RNF213: variants seen among roughly 807,000 people sequenced by gnomAD.
The protein encoded by RNF213 is ring finger protein 213.
RNF213 carries 341 observed loss-of-function variants against 514.4 expected under a neutral mutation model. The ratio of observed to expected loss-of-function variants is 0.66; its 90% CI spans 0.61 to 0.73. RNF213 has a LOEUF of 0.73. Ranked by LOEUF, RNF213 falls within the 30% of genes least tolerant of loss-of-function variation. The pLI, the probability that RNF213 is intolerant of heterozygous loss-of-function variation, is 0.00. For synonymous variants in RNF213, 2,655 were observed against 2,658.2 expected (o/e 1.00, Z 0.04); for missense variants, 5,767 against 6,615.6 (o/e 0.87, Z 4.45).
intron 64 of RNF213, 58 bp from the exon 65 acceptor site, chr17:80,389,095 GGCTCGGCTCTCTTACCAGGT>G (rs777991695): frequency 2.1e-6 from 3 of 1,401,482 alleles, no homozygotes; most frequent in Non-Finnish European, 3.0e-6. Flanking sequence ...GCAGTGAAGG[GGCTCGGCTCTCTTACCAGGT>G]GGTGAGATGC....
rs1299071699 is a variant in RNF213 at position 80,345,683 on chromosome 17, A to G, written c.7348A>G (p.Lys2450Glu). The G allele has an allele frequency of 1.9e-6, 3 of 1,614,258 alleles. No homozygotes were observed. In the East Asian group the frequency reaches 6.7e-5, roughly 36 times the overall value. Residue 2450 changes from lysine to glutamate, a missense_variant, in exon 29 of 68, where the codon AAG becomes GAG. Physicochemically the swap from Lys to Glu is moderately conservative, Grantham distance 56 (BLOSUM62 1). Around this residue, in one of 13 missense-constraint regions of RNF213, gnomAD observed 1,377 missense variants for 1,635.2 expected, o/e 0.84. Transcript: ENST00000582970. This position sits in a 1 kb window ranked among gnomAD's most constrained non-coding sequence, Gnocchi z 6.0. The part of the protein sequence containing the change: ...GTNADTIKLV[K>E]VHGGTTADMI... ...CAATGCTGACACCATAAAGCTGGTC[A>G]AGGTGCACGGAGGAACAACTGCAGA...
At chr17:80,387,006 T>C in intron 63 of RNF213, 115 bp downstream of exon 63, 1 of 1,027,780 alleles carries the variant, frequency 9.7e-7, no homozygotes, top group Admixed American at 2.0e-5. Flanking sequence ...CTGGTCTGTA[T>C]CTCCTCCCTC....
At chr17:80,293,804 G>T (rs2044831542) in intron 8 of RNF213, among the ~76,000 whole-genome samples, 1 of 152,036 alleles carries the variant, frequency 6.6e-6, no homozygotes, top group African/African-American at 2.4e-5. Context: ...TCCAGCCTGG[G>T]CGACAGAGGG....
chr17:80,290,299 A>G (rs549937397), intron 6 of RNF213, among the ~76,000 whole-genome samples: 1 of 152,154 alleles, frequency 6.6e-6, no homozygotes, highest in East Asian at 1.9e-4. Context: ...GTGTGTGTGC[A>G]TGTGGGTGTG....
At chr17:80,298,160 G>A (rs2045030266) in intron 10 of RNF213, among the ~76,000 whole-genome samples, 161 bp from the exon 11 acceptor site, 1 of 152,140 alleles carries the variant, frequency 6.6e-6, no homozygotes, top group Admixed American at 6.5e-5. Flanking sequence ...TGGGGGCTGA[G>A]GGAAGCCCTG....
chr17:80,294,778 C>T lies in RNF213; in HGVS notation c.1530C>T (p.Val510=). Residue 510 remains valine (V), a synonymous_variant, in exon 9 of 68, where the codon GTC becomes GTT. Transcript: ENST00000582970. ...YMKPHGRLQK[V]MNHITDGPRK... ...AGCCTCATGGGAGACTCCAGAAAGT[C>T]ATGAACCACATCACAGACGGGCCGA... 6.2e-7 allele frequency: 1 copy of T among 1,614,112 alleles called. No homozygotes were observed.
chr17:80,356,272 G>A (rs2078816506), intron 36 of RNF213, among the ~76,000 whole-genome samples: 1 of 152,228 alleles, frequency 6.6e-6, no homozygotes, highest in Non-Finnish European at 1.5e-5. Context: ...GAAGTGCTGG[G>A]ATTCCAGGCG....
intron 10 of RNF213, 121 bp from the exon 11 acceptor site, chr17:80,298,200 C>A: frequency 9.9e-7 from 1 of 1,013,796 alleles, no homozygotes; most frequent in Non-Finnish European, 1.5e-6. Flanking sequence ...TCTGCTCAGC[C>A]ACGCGCGGTG....
At position 80,331,992 on chromosome 17, in the gene RNF213, T is replaced by C. The variant is rs1361285870; in HGVS notation, c.3518-14T>C. On this transcript the variant is annotated splice_polypyrimidine_tract_variant and intron_variant, in intron 20 of 67. Transcript: ENST00000582970. ...AGAGCTTTGACTTCTGACACTTTCTTTTCGCTTCTAAAGTGGACTTTGGAG... is the reference window on the plus strand; with the variant it reads ...AGAGCTTTGACTTCTGACACTTTCTCTTCGCTTCTAAAGTGGACTTTGGAG... 6.6e-7 allele frequency: 1 copy of C among 1,525,512 alleles called. No individual in the cohort carries two copies. Among genetic ancestry groups the C allele is most frequent in the Non-Finnish European group, 8.8e-7 (1 of 1,138,720 alleles). 94.5% of individuals were successfully genotyped at this position (1,525,512 alleles called of 1,614,324 possible).
chr17:80,393,327 T>C lies in RNF213; in HGVS notation c.15471-18T>C, dbSNP rs531128254. ...GCTGAGGAGACTGTTTTAAATGCTC[T>C]CTTCTTTGGTTTTTCAGCCTGAGAG... On this transcript the variant is annotated intron_variant, in intron 67 of 67. Coordinates refer to ENST00000582970, the MANE Select transcript of RNF213 (RefSeq NM_001256071.3). 2 of 1,612,984 alleles carry C rather than the reference T, an allele frequency of 1.2e-6. No homozygotes were observed. Among genetic ancestry groups the C allele is most frequent in the East Asian group, 4.5e-5 (2 of 44,864 alleles).
intron 36 of RNF213, among the ~76,000 whole-genome samples, chr17:80,355,504 AC>A (rs1555671154): frequency 2.0e-5 from 1 of 48,810 alleles, no homozygotes; most frequent in Non-Finnish European, 4.1e-5. Context: ...AAGCGGGGTG[AC>A]CGGGAATGGG....
intron 2 of RNF213, among the ~76,000 whole-genome samples, chr17:80,267,169 A>G (rs1454468162): frequency 6.6e-6 from 1 of 151,526 alleles, no homozygotes; most frequent in Non-Finnish European, 1.5e-5. Flanking sequence ...GTGAGCTGAG[A>G]TTGTGCCACT....
intron 6 of RNF213, 130 bp from the exon 7 acceptor site, chr17:80,290,440 C>T (rs2044668786): frequency 1.8e-6 from 2 of 1,091,180 alleles, no homozygotes; most frequent in Non-Finnish European, 2.8e-6. Flanking sequence ...CGCGTGTGTG[C>T]ATGTGTGTGT....
At chr17:80,323,352 T>C (rs1480277449) in intron 17 of RNF213, among the ~76,000 whole-genome samples, 3 of 152,166 alleles carry the variant, frequency 2.0e-5, no homozygotes, top group African/African-American at 7.2e-5. Flanking sequence ...TTTTTCAAGA[T>C]TGTTTTGGCT....
intron 11 of RNF213, among the ~76,000 whole-genome samples, chr17:80,300,212 A>G (rs2045124961): frequency 1.3e-5 from 2 of 151,528 alleles, no homozygotes; most frequent in Middle Eastern, 3.4e-3. Flanking sequence ...AGCATCTGTT[A>G]TTTTTTTACC....
intron 3 of RNF213, chr17:80,279,015 C>T (rs922230144): frequency 9.6e-6 from 14 of 1,453,730 alleles, no homozygotes; most frequent in South Asian, 5.2e-5. Flanking sequence ...CCCTGCCAGT[C>T]GAGGAAGGCT....
At chr17:80,296,552 T>G (rs2044956681) in intron 10 of RNF213, among the ~76,000 whole-genome samples, 1 of 152,194 alleles carries the variant, frequency 6.6e-6, no homozygotes, top group Admixed American at 6.5e-5. Context: ...GCCTTTGACT[T>G]GGTACCTGCT....
intron 3 of RNF213, among the ~76,000 whole-genome samples, chr17:80,287,080 G>A (rs1428517466): frequency 6.6e-6 from 1 of 152,172 alleles, no homozygotes; most frequent in Non-Finnish European, 1.5e-5. Flanking sequence ...TCAAAACCAG[G>A]CCAGGCACGG....
In RNF213 at chr17:80,263,487, C is replaced by T. The variant is rs753195058; in HGVS notation, c.-108-87C>T. On this transcript the variant is annotated intron_variant, in intron 1 of 67. Transcript: ENST00000582970. The surrounding 1 kb of genome is among the most constrained non-coding windows in gnomAD (Gnocchi z 4.9). ...TGAGAGCCAAGGGGGCAGCACAGAG[C>T]GGGGAGGGGCTGGGCTTGGGCTGTG... The T allele has an allele frequency of 9.7e-6, 6 of 620,972 alleles. No individual in the cohort carries two copies. The highest frequency in any genetic ancestry group is 5.7e-5 in the East Asian group (2 of 34,884). The allele number at this position is 620,972 out of a possible 1,614,324, so 38.5% of individuals were successfully genotyped here.
Sources: gnomAD v4.1 joint callset for allele counts (sites outside exome capture counted in the v4.1 genomes callset) on GRCh38, gnomAD v4.1.1 for gene constraint, gnomAD v4.1.1 regional missense constraint, Gnocchi (gnomAD v3.1) non-coding constraint, MANE v1.5 for transcripts, NCBI Gene and HGNC (gene_info 2026-07-23, HGNC 2026-07-21) for gene names.